The following SLC24A2 variants were observed in gnomAD, a reference collection of about 807,000 sequenced individuals.
SLC24A2 encodes the protein sodium/potassium/calcium exchanger 2.
In SLC24A2, 36 loss-of-function variants were observed where a neutral mutation model predicts 62.0. The ratio of observed to expected loss-of-function variants is 0.58; its 90% CI spans 0.44 to 0.77. SLC24A2 has a LOEUF of 0.77. Ranked by LOEUF, SLC24A2 falls within the 30% of genes least tolerant of loss-of-function variation. The pLI is 0.00. For synonymous variants in SLC24A2, 358 were observed against 294.0 expected, an observed-to-expected ratio of 1.22 and a Z score of -2.23; for missense variants, 846 against 817.9, an observed-to-expected ratio of 1.03 and a Z score of -0.42.
At chr9:19,706,595 G>C (rs1820529789) in intron 2 of SLC24A2, among the ~76,000 whole-genome samples, 1 of 152,108 alleles carries the variant, frequency 6.6e-6, no homozygotes. Flanking sequence ...AGCCAGGATG[G>C]TCTCGATCTC....
the SLC24A2 span, among the ~76,000 whole-genome samples, chr9:19,825,743 G>T: frequency 2.0e-5 from 3 of 152,070 alleles, no homozygotes; most frequent in East Asian, 3.9e-4. Flanking sequence ...CACTAGAACA[G>T]ATTTTTTTTT....
chr9:19,742,502 T>C (rs149287515), intron 2 of SLC24A2, among the ~76,000 whole-genome samples: 29 of 152,284 alleles, frequency 1.9e-4, no homozygotes, highest in South Asian at 1.2e-3. Flanking sequence ...GAAAAGCCTA[T>C]GTTTAAATTT....
chr9:20,009,953 T>C, the SLC24A2 span, among the ~76,000 whole-genome samples: 1 of 152,114 alleles, frequency 6.6e-6, no homozygotes, highest in Non-Finnish European at 1.5e-5. Context: ...TTGGAGTCCA[T>C]TGCATGGCCA....
chr9:20,166,931 C>T, the SLC24A2 span, among the ~76,000 whole-genome samples: 1 of 151,976 alleles, frequency 6.6e-6, no homozygotes, highest in African/African-American at 2.4e-5. Context: ...AGCCTAACTG[C>T]CCAGGCTCAA....
At chr9:19,699,172 G>C (rs953487861) in intron 2 of SLC24A2, among the ~76,000 whole-genome samples, 5 of 152,106 alleles carry the variant, frequency 3.3e-5, no homozygotes, top group Admixed American at 2.0e-4. Context: ...CTACTGCTGG[G>C]TCTCTGAGTA....
chr9:20,302,718 G>A, the SLC24A2 span, among the ~76,000 whole-genome samples: 3 of 152,188 alleles, frequency 2.0e-5, no homozygotes, highest in African/African-American at 7.2e-5. Flanking sequence ...CAGAGCAGAA[G>A]TTTTTAATTT....
At chr9:19,781,680 T>C (rs12003576) in intron 2 of SLC24A2, among the ~76,000 whole-genome samples, 1 of 152,174 alleles carries the variant, frequency 6.6e-6, no homozygotes, top group African/African-American at 2.4e-5. Flanking sequence ...AGAATTTTAA[T>C]GCCTAAGTTT....
At chr9:19,656,989 C>T (rs139046992) in intron 2 of SLC24A2, among the ~76,000 whole-genome samples, 3 of 152,308 alleles carry the variant, frequency 2.0e-5, no homozygotes, top group East Asian at 1.9e-4. Context: ...TTCTGTCTGA[C>T]GACAGTTTGT....
At position 19,508,952 on chromosome 9, in the gene SLC24A2, T is replaced by C. The variant is rs983428682; in HGVS notation, c.*7201A>G. 4 of 152,212 alleles carry C rather than the reference T, an allele frequency of 2.6e-5. No homozygotes were observed. Among genetic ancestry groups the C allele is most frequent in the Non-Finnish European group, 4.4e-5 (3 of 68,048 alleles). 9.4% of individuals were successfully genotyped at this position (152,212 alleles called of 1,614,324 possible). A position where few individuals can be genotyped will look rare whatever the true frequency, so the allele number is the denominator to read the frequency against. On this transcript the variant is annotated 3_prime_UTR_variant, in exon 11 of 11. Coordinates refer to ENST00000341998, the MANE Select transcript of SLC24A2 (RefSeq NM_020344.4). ...GAGGAAAATAACCACCAAAGCATTA[T>C]GAAATCTGCTGCTTTACATGTCCTC...
chr9:20,231,047 T>A, the SLC24A2 span, among the ~76,000 whole-genome samples: 1 of 152,166 alleles, frequency 6.6e-6, no homozygotes, highest in African/African-American at 2.4e-5. Context: ...TAGTTGTAGA[T>A]ATGCCGCATT....
At chr9:20,100,854 C>A in the SLC24A2 span, among the ~76,000 whole-genome samples, 2 of 152,144 alleles carry the variant, frequency 1.3e-5, no homozygotes, top group Admixed American at 6.5e-5. Flanking sequence ...TACTACCTGA[C>A]CCCCTGGCCC....
intron 4 of SLC24A2, among the ~76,000 whole-genome samples, chr9:19,605,394 G>A (rs1025053661): frequency 2.6e-5 from 4 of 152,114 alleles, no homozygotes; most frequent in African/African-American, 9.7e-5. Flanking sequence ...GGAAGGAAAT[G>A]AGTTAAGTAT....
intron 8 of SLC24A2, among the ~76,000 whole-genome samples, chr9:19,547,533 G>T (rs1267994771): frequency 6.8e-6 from 1 of 147,528 alleles, no homozygotes; most frequent in African/African-American, 2.7e-5. Context: ...CTTCTTTGAC[G>T]TTTCAACTAG....
the SLC24A2 span, among the ~76,000 whole-genome samples, chr9:20,130,659 C>G: frequency 6.6e-6 from 1 of 152,026 alleles, no homozygotes; most frequent in East Asian, 1.9e-4. Flanking sequence ...ATGAGGGAAG[C>G]CATTGCAGAG....
chr9:20,054,162 T>G, the SLC24A2 span, among the ~76,000 whole-genome samples: 1 of 152,088 alleles, frequency 6.6e-6, no homozygotes, highest in Admixed American at 6.6e-5. Context: ...TTTTCTTTTC[T>G]TTTTTCTTTT....
chr9:19,933,157 T>G, the SLC24A2 span, among the ~76,000 whole-genome samples: 2 of 152,196 alleles, frequency 1.3e-5, no homozygotes, highest in African/African-American at 4.8e-5. Context: ...AGCAGGCTTA[T>G]AGTGGGCACT....
the SLC24A2 span, among the ~76,000 whole-genome samples, chr9:19,980,126 G>A: frequency 1.3e-5 from 2 of 152,178 alleles, no homozygotes; most frequent in African/African-American, 4.8e-5. Context: ...GAGCTAAGTT[G>A]GGCTTTGAAG....
At chr9:19,770,536 C>T (rs1466741660) in intron 2 of SLC24A2, among the ~76,000 whole-genome samples, 1 of 152,102 alleles carries the variant, frequency 6.6e-6, no homozygotes, top group African/African-American at 2.4e-5. Flanking sequence ...AGCATGGGCT[C>T]AGATAGTGAT....
chr9:19,860,609 G>C, the SLC24A2 span, among the ~76,000 whole-genome samples: 6 of 151,902 alleles, frequency 3.9e-5, no homozygotes, highest in East Asian at 1.2e-3. Flanking sequence ...AACCAGCTCA[G>C]CTACAGGGCG....
Sources: gnomAD v4.1 joint callset for allele counts (sites outside exome capture counted in the v4.1 genomes callset) on GRCh38, gnomAD v4.1.1 for gene constraint, MANE v1.5 for transcripts, NCBI Gene and HGNC (gene_info 2026-07-23, HGNC 2026-07-21) for gene names.